TRIM67: variants seen among roughly 807,000 people sequenced by gnomAD.
TRIM67 encodes tripartite motif containing 67.
In TRIM67, 39 loss-of-function variants were observed where a neutral mutation model predicts 71.0. The ratio of observed to expected loss-of-function variants is 0.55; its 90% CI spans 0.43 to 0.72. The LOEUF (loss-of-function observed/expected upper bound fraction) is 0.72, where lower values mean the gene tolerates loss of function less well. Among genes scored for constraint, TRIM67 ranks in the 30% least tolerant of loss-of-function variants. TRIM67 has a pLI of 0.00. For synonymous variants in TRIM67, 481 were observed against 473.9 expected, an observed-to-expected ratio of 1.01 and a Z score of -0.19; for missense variants, 973 against 1,079.2, an observed-to-expected ratio of 0.90 and a Z score of 1.38.
intron 1 of TRIM67, chr1:231,185,107 G>T: frequency 4.6e-6 from 7 of 1,532,910 alleles, no homozygotes; most frequent in Non-Finnish European, 6.1e-6. Context: ...CCATCTGCTG[G>T]CTCCTAAATC....
chr1:231,186,163 C>G (rs1683069383), intron 1 of TRIM67: 2 of 1,530,930 alleles, frequency 1.3e-6, no homozygotes, highest in African/African-American at 2.8e-5. Flanking sequence ...CTGAGGCGCT[C>G]CCTCTTTGTT....
chr1:231,217,879 A>C lies in TRIM67; in HGVS notation c.*2439A>C. 7.8e-7 allele frequency: 1 copy of C among 1,289,650 alleles called. No individual in the cohort carries two copies. The highest frequency in any genetic ancestry group is 1.0e-6 in the Non-Finnish European group (1 of 988,762). 79.9% of individuals were successfully genotyped at this position (1,289,650 alleles called of 1,614,324 possible). On this transcript the variant is annotated 3_prime_UTR_variant, in exon 10 of 10. Transcript: ENST00000366653. ...GCCCTCAAATCCGGTGGCCTCTTTC[A>C]GAAAAAAGTTCCCTGAAGTCCAGAG...
intron 1 of TRIM67, among the ~76,000 whole-genome samples, chr1:231,166,812 T>C (rs1682480202): frequency 6.6e-6 from 1 of 152,232 alleles, no homozygotes; most frequent in Non-Finnish European, 1.5e-5. Flanking sequence ...AGGTCTTGGC[T>C]AAACACATTT....
At chr1:231,185,146 G>T in intron 1 of TRIM67, 1 of 1,532,898 alleles carries the variant, frequency 6.5e-7, no homozygotes. Flanking sequence ...GGAAGTGTGT[G>T]TTGTCCAGCC....
chr1:231,166,721 TAAGTA>T (rs1161464866), intron 1 of TRIM67, among the ~76,000 whole-genome samples: 1 of 152,230 alleles, frequency 6.6e-6, no homozygotes, highest in South Asian at 2.1e-4. Context: ...TAGTGATTCT[TAAGTA>T]AAGAGACATA....
intron 1 of TRIM67, among the ~76,000 whole-genome samples, chr1:231,189,026 G>A (rs777386584): frequency 1.8e-4 from 28 of 152,166 alleles, no homozygotes; most frequent in Non-Finnish European, 2.9e-5. Flanking sequence ...CCTGAGAACT[G>A]CCTCATGGGC....
chr1:231,182,239 C>T (rs749501474), intron 1 of TRIM67, among the ~76,000 whole-genome samples: 5 of 152,200 alleles, frequency 3.3e-5, no homozygotes, highest in Middle Eastern at 3.4e-3. Context: ...TGGTAGCCCA[C>T]GCAAAGATGA....
chr1:231,200,183 G>C lies in TRIM67; in HGVS notation c.1299G>C (p.Lys433Asn). ...ACCAGATCAATCACTGCACATTGAA[G>C]CTGCGTCAGTCCACCGGACTGATGG... ...VWDQINHCTL[K>N]LRQSTGLMEY... The change falls in exon 4 of 10, where the codon AAG becomes AAC. Residue 433 changes from lysine (K) to asparagine (N), a missense_variant. Lys to Asn is a moderately conservative substitution (Grantham distance 94). This residue lies in a region of TRIM67 where 795 missense variants were observed against 831.3 expected (regional missense o/e 0.96). Transcript: ENST00000366653. The C allele has an allele frequency of 1.2e-6, 2 of 1,613,950 alleles. No individual in the cohort carries two copies. Among genetic ancestry groups the C allele is most frequent in the Non-Finnish European group, 1.7e-6 (2 of 1,179,858 alleles).
intron 3 of TRIM67, among the ~76,000 whole-genome samples, 193 bp from the exon 4 acceptor site, chr1:231,199,955 T>C (rs1206051264): frequency 6.6e-6 from 1 of 152,142 alleles, no homozygotes; most frequent in African/African-American, 2.4e-5. Context: ...TGTTAGGAAG[T>C]GAGTCCACTT....
intron 6 of TRIM67, among the ~76,000 whole-genome samples, chr1:231,205,197 A>G (rs1683661905): frequency 1.3e-5 from 2 of 152,230 alleles, no homozygotes; most frequent in Admixed American, 1.3e-4. Context: ...AGCTAGACCT[A>G]AGGGCTAGGG....
At chr1:231,174,095 C>T (rs951838243) in intron 1 of TRIM67, among the ~76,000 whole-genome samples, 5 of 151,654 alleles carry the variant, frequency 3.3e-5, no homozygotes, top group Middle Eastern at 3.4e-3. Flanking sequence ...TATTAGATTG[C>T]TTGCTATTGT....
Position 231,215,280 on chromosome 1 carries a change from G to A in TRIM67, c.2287-95G>A, listed in dbSNP as rs546056801. The A allele has an allele frequency of 6.7e-6, 10 of 1,502,530 alleles. No homozygotes were observed. The East Asian group carries it at 1.7e-4, about 26-fold the overall frequency. The allele number at this position is 1,502,530 out of a possible 1,614,324, so 93.1% of individuals were successfully genotyped here. ...TATTGCATGGATGGCCCTGGAGCCA[G>A]CAGGGGATCCTGCCGGTGTCTGCGG... On this transcript the variant is annotated intron_variant, in intron 9 of 9. Transcript: ENST00000366653.
At position 231,197,201 on chromosome 1, in the gene TRIM67, C is replaced by T. The variant is rs114897580; in HGVS notation, c.1045-170C>T. The stretch of plus-strand genomic sequence containing the variant: ...AATCTACCACTGTTGGAAAAATAAA[C>T]AAATGTTGTAGAGATCATGGGTCAG... On this transcript the variant is annotated intron_variant, in intron 1 of 9. Coordinates refer to ENST00000366653, the MANE Select transcript of TRIM67 (RefSeq NM_001004342.5). Among the ~76,000 whole-genome samples, 660 of 152,312 alleles carry T rather than the reference C, an allele frequency of 4.3e-3. 6 individuals are homozygous for T. Among genetic ancestry groups the T allele is most frequent in the African/African-American group, 0.015 (632 of 41,570 alleles).
chr1:231,198,449 C>T (rs1248799175), intron 2 of TRIM67, among the ~76,000 whole-genome samples: 4 of 152,142 alleles, frequency 2.6e-5, no homozygotes, highest in Non-Finnish European at 5.9e-5. Context: ...TGCAATGGCA[C>T]GATCTCAGCT....
Position 231,217,280 on chromosome 1 carries a change from C to G in TRIM67, c.*1840C>G, listed in dbSNP as rs1684038045. On this transcript the variant is annotated 3_prime_UTR_variant, in exon 10 of 10. Coordinates refer to ENST00000366653, the MANE Select transcript of TRIM67 (RefSeq NM_001004342.5). ...CTCTGCTGCGGAGCCTGGGAGCTATCTGCTTCATGGAAGTCTAGGTCTTGC... is the reference window on the plus strand; with the variant it reads ...CTCTGCTGCGGAGCCTGGGAGCTATGTGCTTCATGGAAGTCTAGGTCTTGC... 1 of 986,024 alleles carries G rather than the reference C, an allele frequency of 1.0e-6. No homozygotes were observed. Among genetic ancestry groups the G allele is most frequent in the South Asian group, 4.7e-5 (1 of 21,300 alleles). 61.1% of individuals were successfully genotyped at this position (986,024 alleles called of 1,614,324 possible).
chr1:231,216,221 CTCT>C lies in TRIM67; in HGVS notation c.*783_*785del, dbSNP rs1571908465. 1.0e-6 allele frequency: 1 copy of C among 960,538 alleles called. No homozygotes were observed. The highest frequency in any genetic ancestry group is 1.2e-6 in the Non-Finnish European group (1 of 807,826). 59.5% of individuals were successfully genotyped at this position (960,538 alleles called of 1,614,324 possible). A position where few individuals can be genotyped will look rare whatever the true frequency, so the allele number is the denominator to read the frequency against. On this transcript the variant is annotated 3_prime_UTR_variant, in exon 10 of 10. Coordinates refer to ENST00000366653, the MANE Select transcript of TRIM67 (RefSeq NM_001004342.5). ...CTCTCTTTCTTCCTTTCCTCCTTCT[CTCT>C]TACTTTCCTCCATCCCTGCCTCTTT...
rs904320664 is a variant in TRIM67, at chr1:231,199,039, T to A, written c.1141-8T>A. On this transcript the variant is annotated splice_region_variant and splice_polypyrimidine_tract_variant and intron_variant, in intron 2 of 9. Transcript: ENST00000366653. ...GCTTCTTCCCAACCAACCCCCAACC[T>A]CTGCCAGGAAAACGGACTGGACTAC... The A allele has an allele frequency of 6.2e-7, 1 of 1,613,898 alleles. No individual in the cohort carries two copies. The highest frequency in any genetic ancestry group is 1.1e-5 in the South Asian group (1 of 91,078).
chr1:231,172,535 G>A (rs1682644161), intron 1 of TRIM67, among the ~76,000 whole-genome samples: 1 of 152,198 alleles, frequency 6.6e-6, no homozygotes, highest in Admixed American at 6.5e-5. Context: ...CAAGGACAGG[G>A]CAAGGTGAGC....
chr1:231,202,206 A>G (rs1176363299), intron 5 of TRIM67, among the ~76,000 whole-genome samples: 2 of 149,652 alleles, frequency 1.3e-5, no homozygotes, highest in Non-Finnish European at 3.0e-5. Flanking sequence ...GGTGGCTGAG[A>G]TAGTGGAGGA....
Sources: gnomAD v4.1 joint callset for allele counts (sites outside exome capture counted in the v4.1 genomes callset) on GRCh38, gnomAD v4.1.1 for gene constraint, gnomAD v4.1.1 regional missense constraint, MANE v1.5 for transcripts, NCBI Gene and HGNC (gene_info 2026-07-23, HGNC 2026-07-21) for gene names.